SUSD4: variants seen among roughly 807,000 people sequenced by gnomAD.
SUSD4 encodes the protein sushi domain-containing protein 4.
SUSD4 carries 41 observed loss-of-function variants against 50.5 expected under a neutral mutation model. That is an observed-to-expected ratio of 0.81 (90% CI 0.63 to 1.05). The LOEUF is 1.05. Ranked by LOEUF, SUSD4 falls within the 50% of genes least tolerant of loss-of-function variation. The probability of loss-of-function intolerance (pLI) is 0.00; values close to 1 mark genes in which losing one functional copy is unlikely to be tolerated. For synonymous variants in SUSD4, 257 were observed against 257.3 expected (o/e 1.00, Z 0.01); for missense variants, 580 against 634.7 (o/e 0.91, Z 0.93).
intron 2 of SUSD4, among the ~76,000 whole-genome samples, chr1:223,338,464 C>T (rs1245009412): frequency 6.6e-6 from 1 of 152,162 alleles, no homozygotes; most frequent in Non-Finnish European, 1.5e-5. Flanking sequence ...GTGTGCTATG[C>T]TTTGGAGTTT....
chr1:223,352,541 GA>G (rs1176073929), intron 2 of SUSD4, among the ~76,000 whole-genome samples: 14 of 152,192 alleles, frequency 9.2e-5, no homozygotes, highest in African/African-American at 3.1e-4. Flanking sequence ...GGGCCGAGAA[GA>G]GGCTGCAGCA....
intron 5 of SUSD4, among the ~76,000 whole-genome samples, chr1:223,261,565 G>A (rs1420642940): frequency 1.3e-5 from 2 of 152,232 alleles, no homozygotes; most frequent in Admixed American, 6.5e-5. Flanking sequence ...GCAGTAGCCT[G>A]ACACCTATGT....
intron 2 of SUSD4, among the ~76,000 whole-genome samples, chr1:223,339,199 A>T (rs1320616071): frequency 6.6e-6 from 1 of 152,238 alleles, no homozygotes; most frequent in African/African-American, 2.4e-5. Context: ...CCCATTGTGC[A>T]CATGAGTTTG....
chr1:223,307,332 T>C (rs567887041), intron 2 of SUSD4, among the ~76,000 whole-genome samples: 2 of 152,370 alleles, frequency 1.3e-5, no homozygotes, highest in South Asian at 4.1e-4. Flanking sequence ...AAATACGTTT[T>C]CCACATGGAT....
At chr1:223,233,957 G>A (rs534820141) in intron 5 of SUSD4, among the ~76,000 whole-genome samples, 34 of 152,324 alleles carry the variant, frequency 2.2e-4, no homozygotes, top group African/African-American at 7.9e-4. Context: ...AGCCAGAAAC[G>A]GATGATTCCT....
intron 2 of SUSD4, among the ~76,000 whole-genome samples, chr1:223,346,137 C>A (rs746291968): frequency 6.6e-6 from 1 of 152,100 alleles, no homozygotes; most frequent in Non-Finnish European, 1.5e-5. Flanking sequence ...TCTAGACAGT[C>A]GTAGCACACA....
rs778223893 is a variant in SUSD4 at position 223,264,824 on chromosome 1, G to C, written c.536-6C>G. The C allele has an allele frequency of 5.0e-6, 8 of 1,610,312 alleles. No homozygotes were observed. The South Asian group carries it at 6.6e-5, about 13-fold the overall frequency. The stretch of plus-strand genomic sequence containing the variant: ...GGCTAGAGGTCTCAGGCAGCCTGTG[G>C]AAGGTGAAAGAAAAAGGGAAAGATT... On this transcript the variant is annotated splice_region_variant and splice_polypyrimidine_tract_variant and intron_variant, in intron 4 of 8. Coordinates refer to ENST00000366878, the MANE Select transcript of SUSD4 (RefSeq NM_017982.4).
intron 2 of SUSD4, among the ~76,000 whole-genome samples, chr1:223,337,200 A>G (rs1444423685): frequency 1.3e-5 from 2 of 152,220 alleles, no homozygotes; most frequent in African/African-American, 4.8e-5. Context: ...CAGAGTTCAA[A>G]TGTTAGTAGA....
intron 3 of SUSD4, among the ~76,000 whole-genome samples, chr1:223,280,186 C>A (rs1663601690): frequency 6.6e-6 from 1 of 152,154 alleles, no homozygotes; most frequent in Admixed American, 6.5e-5. Flanking sequence ...AACTAATGAG[C>A]AAAATAACCA....
intron 4 of SUSD4, among the ~76,000 whole-genome samples, chr1:223,267,394 C>T (rs986712681): frequency 2.0e-4 from 30 of 152,130 alleles, no homozygotes; most frequent in Non-Finnish European, 1.5e-5. Context: ...CTGATCGTGT[C>T]GGAGGACTGA....
intron 3 of SUSD4, among the ~76,000 whole-genome samples, chr1:223,281,000 C>G (rs931285541): frequency 1.3e-5 from 2 of 152,058 alleles, no homozygotes; most frequent in African/African-American, 4.8e-5. Context: ...AGTTACATAA[C>G]GAAATGAAGG....
intron 2 of SUSD4, among the ~76,000 whole-genome samples, chr1:223,346,215 G>C (rs192773806): frequency 5.6e-4 from 85 of 152,042 alleles, no homozygotes; most frequent in African/African-American, 1.8e-3. Flanking sequence ...TCCCCTGGGG[G>C]ACAAAATCAC....
chr1:223,247,442 C>T (rs915746272), intron 5 of SUSD4, among the ~76,000 whole-genome samples: 3 of 152,106 alleles, frequency 2.0e-5, no homozygotes, highest in Non-Finnish European at 2.9e-5. Flanking sequence ...GAGGCACTGG[C>T]GGATCAATAT....
At chr1:223,352,672 C>T (rs184127283) in intron 2 of SUSD4, among the ~76,000 whole-genome samples, 1 of 152,234 alleles carries the variant, frequency 6.6e-6, no homozygotes, top group East Asian at 1.9e-4. Context: ...CCACAGACAC[C>T]CAGAAGCAGC....
intron 2 of SUSD4, among the ~76,000 whole-genome samples, chr1:223,328,463 C>T (rs1250022378): frequency 6.6e-6 from 1 of 152,200 alleles, no homozygotes. Context: ...CTATTCTGTT[C>T]TTGAGAAGTT....
intron 2 of SUSD4, among the ~76,000 whole-genome samples, chr1:223,347,351 TCCTAC>T (rs1206835081): frequency 6.6e-6 from 1 of 152,188 alleles, no homozygotes; most frequent in East Asian, 1.9e-4. Context: ...CGCACTTCCC[TCCTAC>T]CCTACCCCGC....
intron 2 of SUSD4, among the ~76,000 whole-genome samples, chr1:223,303,568 G>T (rs560442365): frequency 6.6e-6 from 1 of 152,190 alleles, no homozygotes. Flanking sequence ...CCAGCAGCCC[G>T]CAATGCAATG....
rs1295392805 is a variant in SUSD4, at chr1:223,282,242, A to C, written c.361+10197T>G. Reference sequence around the variant, plus strand: ...TAGTGTTGGAAGTTCTGGCCAGGGCAGTCAGGCAGGAGAAAGAAATAAAGG... The same window carrying C: ...TAGTGTTGGAAGTTCTGGCCAGGGCCGTCAGGCAGGAGAAAGAAATAAAGG... On this transcript the variant is annotated intron_variant, in intron 3 of 8. Transcript: ENST00000366878. Among the ~76,000 whole-genome samples the C allele has an allele frequency of 2.6e-5, 4 of 152,222 alleles. No homozygotes were observed. In the East Asian group the frequency reaches 5.8e-4, roughly 22 times the overall value.
intron 2 of SUSD4, among the ~76,000 whole-genome samples, chr1:223,356,632 A>G (rs1668684001): frequency 6.6e-6 from 1 of 152,140 alleles, no homozygotes; most frequent in Admixed American, 6.5e-5. Flanking sequence ...CATCTACAGC[A>G]TACGGTTGAG....
Sources: allele counts gnomAD v4.1 joint callset (sites outside exome capture counted in the v4.1 genomes callset), GRCh38; gene constraint gnomAD v4.1.1; transcripts MANE v1.5; gene names NCBI Gene and HGNC (gene_info 2026-07-23, HGNC 2026-07-21).